Variants in LIMD1 observed in about 807,000 individuals in gnomAD.
LIMD1 encodes LIM domain-containing protein 1.
LIMD1 carries 23 observed loss-of-function variants against 58.4 expected under a neutral mutation model. The observed-to-expected ratio is 0.39, with a 90% CI of 0.28 to 0.56. LIMD1 has a LOEUF of 0.56. LIMD1 is among the 20% of genes least tolerant of loss of function. The pLI is 0.57. For missense variants in LIMD1, 838 were observed against 855.5 expected (o/e 0.98, Z 0.25); for synonymous variants, 334 against 345.5 (o/e 0.97, Z 0.37).
chr3:45,602,029 G>A (rs1482108419), intron 1 of LIMD1, among the ~76,000 whole-genome samples: 5 of 150,568 alleles, frequency 3.3e-5, no homozygotes, highest in East Asian at 2.0e-4. Context: ...TGCAAGCTCC[G>A]CCTCCCAGGT....
Position 45,672,678 on chromosome 3 carries a change from T to C in LIMD1, c.1642-12T>C, listed in dbSNP as rs746706161. On this transcript the variant is annotated splice_polypyrimidine_tract_variant and intron_variant, in intron 4 of 7. Coordinates refer to ENST00000273317, the MANE Select transcript of LIMD1 (RefSeq NM_014240.3). ...CCCTATAATCCCCACTGAGTCTTGG[T>C]CTCTGCTCCAGATCCTGCAAGCCCT... 17 of 1,613,194 alleles carry C rather than the reference T, an allele frequency of 1.1e-5. No individual in the cohort carries two copies. The highest frequency in any genetic ancestry group is 1.4e-5 in the Non-Finnish European group (17 of 1,179,750).
Position 45,595,545 on chromosome 3 carries a change from C to T in LIMD1, c.666C>T (p.Cys222=), listed in dbSNP as rs369628259. 90 of 1,613,896 alleles carry T rather than the reference C, an allele frequency of 5.6e-5. No homozygotes were observed. Among genetic ancestry groups the T allele is most frequent in the African/African-American group, 6.7e-5 (5 of 74,916 alleles). The change falls in exon 1 of 8, where the codon TGC becomes TGT. Residue 222 remains cysteine (C), a synonymous_variant. Coordinates refer to ENST00000273317, the MANE Select transcript of LIMD1 (RefSeq NM_014240.3). ...PGSDPPLPKP[C]GDHPLNHRQL... is the part of the protein sequence containing the mutation. The stretch of plus-strand genomic sequence containing the variant: ...GTGACCCACCACTGCCCAAACCCTG[C>T]GGGGACCATCCCCTAAATCACCGAC...
At chr3:45,664,409 G>A (rs976303072) in intron 2 of LIMD1, among the ~76,000 whole-genome samples, 2 of 152,024 alleles carry the variant, frequency 1.3e-5, no homozygotes, top group African/African-American at 4.8e-5. Context: ...TTAGAGTATT[G>A]CCAAAGCTTC....
At chr3:45,626,329 G>T (rs925843446) in intron 1 of LIMD1, among the ~76,000 whole-genome samples, 1 of 152,098 alleles carries the variant, frequency 6.6e-6, no homozygotes, top group Non-Finnish European at 1.5e-5. Flanking sequence ...ACAAAATTTG[G>T]CAAGATGTCC....
chr3:45,606,530 C>T (rs1044052879), intron 1 of LIMD1, among the ~76,000 whole-genome samples: 3 of 152,244 alleles, frequency 2.0e-5, no homozygotes, highest in Non-Finnish European at 4.4e-5. Context: ...GAGCCTGTGC[C>T]TGCACAAGTG....
At chr3:45,645,392 T>C (rs1701890142) in intron 2 of LIMD1, among the ~76,000 whole-genome samples, 1 of 152,226 alleles carries the variant, frequency 6.6e-6, no homozygotes, top group South Asian at 2.1e-4. Flanking sequence ...CAGTATATTG[T>C]AGAGGCTAAC....
chr3:45,618,431 G>C (rs556745414), intron 1 of LIMD1, among the ~76,000 whole-genome samples: 3 of 152,142 alleles, frequency 2.0e-5, no homozygotes, highest in Non-Finnish European at 4.4e-5. Context: ...AGGGAGGGGC[G>C]TGGGGCAGGG....
Position 45,596,192 on chromosome 3 carries a change from C to A in LIMD1, c.1313C>A (p.Pro438His), listed in dbSNP as rs1701347902. ...RLPCQPLVPG[P>H]ELRPSAAELK... The stretch of plus-strand genomic sequence containing the variant: ...CCCTGCCAGCCCCTCGTCCCAGGTC[C>A]TGAGCTGAGACCCTCTGCTGCTGAG... Residue 438 changes from proline to histidine, a missense_variant, in exon 1 of 8, where the codon CCT becomes CAT. Physicochemically the swap from Pro to His is moderately conservative, Grantham distance 77. Transcript: ENST00000273317. 1 of 1,613,772 alleles carries A rather than the reference C, an allele frequency of 6.2e-7. No individual in the cohort carries two copies. The highest frequency in any genetic ancestry group is 1.3e-5 in the African/African-American group (1 of 74,940).
intron 2 of LIMD1, among the ~76,000 whole-genome samples, chr3:45,638,608 A>G (rs895968896): frequency 6.6e-6 from 1 of 152,338 alleles, no homozygotes; most frequent in Non-Finnish European, 1.5e-5. Flanking sequence ...GTGGTGATAA[A>G]CATACGAGTG....
chr3:45,628,086 T>G (rs1701684746), intron 1 of LIMD1, among the ~76,000 whole-genome samples: 4 of 151,368 alleles, frequency 2.6e-5, no homozygotes, highest in Admixed American at 6.6e-5. Context: ...TCTTGAGAGA[T>G]AGGAAGCAAA....
intron 1 of LIMD1, among the ~76,000 whole-genome samples, chr3:45,605,847 G>C (rs968407346): frequency 2.0e-5 from 3 of 152,308 alleles, no homozygotes; most frequent in Non-Finnish European, 2.9e-5. Flanking sequence ...GTGGGCTCCT[G>C]TGGCGCCCTG....
At chr3:45,645,663 G>A (rs1260852239) in intron 2 of LIMD1, among the ~76,000 whole-genome samples, 1 of 152,168 alleles carries the variant, frequency 6.6e-6, no homozygotes, top group Non-Finnish European at 1.5e-5. Flanking sequence ...CCAGAGTCCT[G>A]GGTTAGGGAG....
intron 1 of LIMD1, among the ~76,000 whole-genome samples, chr3:45,613,543 T>TA (rs1247477960): frequency 6.6e-6 from 1 of 151,848 alleles, no homozygotes; most frequent in African/African-American, 2.4e-5. Flanking sequence ...ATTGTATGGA[T>TA]ACACCACAAG....
chr3:45,659,670 A>G (rs1301589722), intron 2 of LIMD1, among the ~76,000 whole-genome samples: 2 of 152,228 alleles, frequency 1.3e-5, no homozygotes, highest in Non-Finnish European at 2.9e-5. Flanking sequence ...CACTATTTAA[A>G]TGACATTTTA....
At chr3:45,668,182 A>G (rs1315112172) in intron 3 of LIMD1, 112 bp from the exon 4 acceptor site, 2 of 781,822 alleles carry the variant, frequency 2.6e-6, no homozygotes, top group African/African-American at 1.7e-5. Context: ...AGAATTCTGC[A>G]CAGAGTGACA....
At chr3:45,621,738 T>C (rs1432712239) in intron 1 of LIMD1, among the ~76,000 whole-genome samples, 1 of 152,220 alleles carries the variant, frequency 6.6e-6, no homozygotes, top group East Asian at 1.9e-4. Flanking sequence ...ATAACAGGTA[T>C]ACTTCACATT....
At chr3:45,653,919 A>G (rs1235355864) in intron 2 of LIMD1, among the ~76,000 whole-genome samples, 1 of 145,778 alleles carries the variant, frequency 6.9e-6, no homozygotes, top group Non-Finnish European at 1.5e-5. Flanking sequence ...AAAAAAAAAA[A>G]AAAAAAAGAA....
At chr3:45,604,935 C>T (rs1030456511) in intron 1 of LIMD1, among the ~76,000 whole-genome samples, 4 of 152,312 alleles carry the variant, frequency 2.6e-5, no homozygotes, top group Middle Eastern at 3.4e-3. Context: ...GAACATGAAA[C>T]GGTTATTTTG....
intron 2 of LIMD1, among the ~76,000 whole-genome samples, chr3:45,642,173 C>CT (rs763109409): frequency 1.7e-3 from 249 of 144,856 alleles, no homozygotes; most frequent in Middle Eastern, 3.6e-3. Context: ...AAAATTGTAT[C>CT]TTTTTTTTTT....
Sources: allele counts gnomAD v4.1 joint callset (sites outside exome capture counted in the v4.1 genomes callset), GRCh38; gene constraint gnomAD v4.1.1; transcripts MANE v1.5; gene names NCBI Gene and HGNC (gene_info 2026-07-23, HGNC 2026-07-21).